Variants in MRPS6 observed in about 807,000 individuals in gnomAD.
MRPS6 encodes the protein mitochondrial ribosomal protein S6.
In MRPS6, 6 loss-of-function variants were observed where a neutral mutation model predicts 13.1. The ratio of observed to expected loss-of-function variants is 0.46; its 90% CI spans 0.25 to 0.91. The LOEUF (loss-of-function observed/expected upper bound fraction) is 0.91, where lower values mean the gene tolerates loss of function less well. Among genes scored for constraint, MRPS6 ranks in the 40% least tolerant of loss-of-function variants. The pLI, the probability that MRPS6 is intolerant of heterozygous loss-of-function variation, is 0.18. For missense variants in MRPS6, 164 were observed against 155.6 expected, an observed-to-expected ratio of 1.05 and a Z score of -0.29; for synonymous variants, 61 against 56.5, an observed-to-expected ratio of 1.08 and a Z score of -0.36.
chr21:34,099,636 C>T (rs1979143302), intron 1 of MRPS6: 1 of 997,822 alleles, frequency 1.0e-6, no homozygotes, highest in East Asian at 1.1e-4. Context: ...AACATTGAGT[C>T]CTAGTAGTTT....
chr21:34,116,718 T>C (rs562121598), intron 1 of MRPS6, among the ~76,000 whole-genome samples: 1 of 152,202 alleles, frequency 6.6e-6, no homozygotes, highest in African/African-American at 2.4e-5. Flanking sequence ...CTGGAGCTGC[T>C]TGGTTTTATT....
At chr21:34,127,766 T>A (rs1299849461) in intron 2 of MRPS6, among the ~76,000 whole-genome samples, 1 of 152,260 alleles carries the variant, frequency 6.6e-6, no homozygotes, top group Non-Finnish European at 1.5e-5. Flanking sequence ...TGGCAAATTC[T>A]TTATGTGCAT....
chr21:34,109,937 T>C (rs1181204140), intron 1 of MRPS6, among the ~76,000 whole-genome samples: 2 of 152,106 alleles, frequency 1.3e-5, no homozygotes, highest in East Asian at 1.9e-4. Flanking sequence ...TTCTAGTAGG[T>C]TTTCAGGTGG....
At chr21:34,095,145 A>G in intron 1 of MRPS6, 1 of 1,525,618 alleles carries the variant, frequency 6.6e-7, no homozygotes, top group Non-Finnish European at 8.8e-7. Flanking sequence ...CTAAAAATAA[A>G]TAAAAAGTTG....
chr21:34,079,018 G>GAAGAACTACCCT (rs1203364495), intron 1 of MRPS6, among the ~76,000 whole-genome samples: 2 of 152,192 alleles, frequency 1.3e-5, no homozygotes, highest in African/African-American at 4.8e-5. Flanking sequence ...TTGTCTAAAG[G>GAAGAACTACCCT]AAGAACTACC....
intron 1 of MRPS6, among the ~76,000 whole-genome samples, chr21:34,088,974 A>T (rs1367652204): frequency 2.0e-5 from 3 of 152,076 alleles, no homozygotes; most frequent in African/African-American, 7.2e-5. Flanking sequence ...TTATTGAGTT[A>T]CACAAATGTT....
chr21:34,097,589 A>G (rs780359814), intron 1 of MRPS6: 22 of 1,267,360 alleles, frequency 1.7e-5, no homozygotes, highest in African/African-American at 3.1e-5. Flanking sequence ...ATGTGGTTTT[A>G]AATTTTGCAT....
At chr21:34,102,618 G>A (rs1979296687) in intron 1 of MRPS6, 4 of 1,000,138 alleles carry the variant, frequency 4.0e-6, no homozygotes, top group Non-Finnish European at 4.8e-6. Context: ...TGTACTTTAT[G>A]TAATGACTCT....
intron 1 of MRPS6, among the ~76,000 whole-genome samples, chr21:34,093,596 C>G (rs560362327): frequency 4.6e-5 from 7 of 152,116 alleles, no homozygotes; most frequent in African/African-American, 1.7e-4. Context: ...TCAGAAAAAG[C>G]ATGGAAAAAC....
intron 1 of MRPS6, chr21:34,104,100 G>T: frequency 2.0e-6 from 2 of 999,904 alleles, no homozygotes; most frequent in Non-Finnish European, 2.4e-6. Context: ...GTGTACGTTT[G>T]TATGTGAGAG....
At chr21:34,081,848 T>G (rs1989465783) in intron 1 of MRPS6, among the ~76,000 whole-genome samples, 1 of 152,190 alleles carries the variant, frequency 6.6e-6, no homozygotes, top group African/African-American at 2.4e-5. Flanking sequence ...TAAAACTTAT[T>G]ATATCTAAGT....
intron 1 of MRPS6, chr21:34,100,872 A>AGCTACTCAGTTACTT (rs1273629708): frequency 1.0e-6 from 1 of 1,000,020 alleles, no homozygotes; most frequent in Non-Finnish European, 1.2e-6. Flanking sequence ...GCGGCTTATT[A>AGCTACTCAGTTACTT]GCTACTCAGT....
intron 1 of MRPS6, chr21:34,101,893 TC>T: frequency 2.0e-6 from 2 of 1,000,224 alleles, no homozygotes; most frequent in Non-Finnish European, 2.4e-6. Context: ...GCAGTAGTGA[TC>T]ATTTATGTGA....
chr21:34,098,345 C>T (rs995213961), intron 1 of MRPS6: 23 of 1,000,038 alleles, frequency 2.3e-5, no homozygotes, highest in Middle Eastern at 5.2e-4. Context: ...GAAAAATTGA[C>T]GCTGCCTTTG....
intron 1 of MRPS6, among the ~76,000 whole-genome samples, chr21:34,080,210 G>C (rs1278590013): frequency 6.6e-6 from 1 of 152,162 alleles, no homozygotes; most frequent in Non-Finnish European, 1.5e-5. Flanking sequence ...ATAGTAGAAA[G>C]CATTAAGTGA....
chr21:34,091,600 A>G (rs1327906662), intron 1 of MRPS6, among the ~76,000 whole-genome samples: 1 of 152,196 alleles, frequency 6.6e-6, no homozygotes, highest in Non-Finnish European at 1.5e-5. Flanking sequence ...ATTTATATTT[A>G]CACTTCTCTA....
chr21:34,082,878 G>GA (rs1989491238), intron 1 of MRPS6, among the ~76,000 whole-genome samples: 1 of 152,102 alleles, frequency 6.6e-6, no homozygotes, highest in Non-Finnish European at 1.5e-5. Flanking sequence ...TTTTTACTAT[G>GA]ATTACAGTCC....
At chr21:34,104,694 G>A in intron 1 of MRPS6, 3 of 1,000,078 alleles carry the variant, frequency 3.0e-6, no homozygotes, top group South Asian at 4.7e-5. Context: ...CCTCAGGCCT[G>A]GGGGGATGAG....
At chr21:34,115,352 G>A (rs1018926784) in intron 1 of MRPS6, among the ~76,000 whole-genome samples, 1 of 152,182 alleles carries the variant, frequency 6.6e-6, no homozygotes, top group Non-Finnish European at 1.5e-5. Context: ...GCAGGCTCCT[G>A]TTTCCACATC....
Sources: allele counts gnomAD v4.1 joint callset (sites outside exome capture counted in the v4.1 genomes callset), GRCh38; gene constraint gnomAD v4.1.1; transcripts MANE v1.5; gene names NCBI Gene and HGNC (gene_info 2026-07-23, HGNC 2026-07-21).